Variants in RASGEF1B observed in about 807,000 individuals in gnomAD.
RASGEF1B encodes ras-GEF domain-containing family member 1B.
RASGEF1B carries 30 observed loss-of-function variants against 65.7 expected under a neutral mutation model. The observed-to-expected ratio is 0.46, with a 90% confidence interval of 0.34 to 0.62. RASGEF1B has a LOEUF of 0.62. Among genes scored for constraint, RASGEF1B ranks in the 20% least tolerant of loss-of-function variants. RASGEF1B has a pLI of 0.01. For missense variants in RASGEF1B, 495 were observed against 580.1 expected, an observed-to-expected ratio of 0.85 and a Z score of 1.51; for synonymous variants, 175 against 194.8, an observed-to-expected ratio of 0.90 and a Z score of 0.85.
At chr4:81,457,352 A>G in intron 3 of RASGEF1B, 147 bp downstream of exon 3, 1 of 705,338 alleles carries the variant, frequency 1.4e-6, no homozygotes, top group South Asian at 1.9e-5. Context: ...TATTCTTTAT[A>G]CCATTCACAA....
chr4:81,452,398 C>A (rs1316888831), intron 4 of RASGEF1B: 1 of 152,268 alleles, frequency 6.6e-6, no homozygotes, highest in Admixed American at 6.5e-5. Context: ...GCATGAGCCA[C>A]CGCACCCAGC....
chr4:81,450,727 G>A (rs957199723), intron 4 of RASGEF1B, among the ~76,000 whole-genome samples: 2 of 151,974 alleles, frequency 1.3e-5, no homozygotes, highest in African/African-American at 4.8e-5. Flanking sequence ...TTAAAAATTA[G>A]CCGGACACCT....
intron 13 of RASGEF1B, among the ~76,000 whole-genome samples, chr4:81,429,878 A>T (rs1306654824): frequency 2.0e-5 from 3 of 152,042 alleles, no homozygotes; most frequent in Non-Finnish European, 1.5e-5. Context: ...ACGCCAGCAC[A>T]CTGGCAGGCC....
intron 10 of RASGEF1B, among the ~76,000 whole-genome samples, chr4:81,435,435 A>G (rs1721585177): frequency 6.7e-6 from 1 of 149,208 alleles, no homozygotes; most frequent in Admixed American, 6.6e-5. Context: ...AAAAAAAAAA[A>G]AAAGAATACC....
chr4:81,433,792 A>T, intron 12 of RASGEF1B, 48 bp downstream of exon 12: 1 of 1,600,662 alleles, frequency 6.2e-7, no homozygotes, highest in Non-Finnish European at 8.5e-7. Context: ...AATTTCCTAA[A>T]TGAAGGATTT....
intron 6 of RASGEF1B, among the ~76,000 whole-genome samples, chr4:81,446,651 C>A (rs1722033143): frequency 6.6e-6 from 1 of 152,114 alleles, no homozygotes; most frequent in South Asian, 2.1e-4. Flanking sequence ...GAAGTCTACA[C>A]CATCATGGTC....
intron 6 of RASGEF1B, among the ~76,000 whole-genome samples, 179 bp from the exon 7 acceptor site, chr4:81,446,017 A>G (rs1722010761): frequency 1.3e-5 from 2 of 152,224 alleles, no homozygotes; most frequent in Non-Finnish European, 2.9e-5. Flanking sequence ...CAGAAATATC[A>G]AAGTCCTTTA....
intron 3 of RASGEF1B, 117 bp from the exon 4 acceptor site, chr4:81,456,905 A>G (rs974069212): frequency 2.2e-6 from 2 of 895,008 alleles, no homozygotes; most frequent in Admixed American, 5.3e-5. Flanking sequence ...AGGGATGAAG[A>G]AGAAGCTCCA....
intron 2 of RASGEF1B, among the ~76,000 whole-genome samples, chr4:81,458,274 TATA>T (rs1196394451): frequency 6.6e-6 from 1 of 152,224 alleles, no homozygotes; most frequent in African/African-American, 2.4e-5. Flanking sequence ...GCTTATTTGT[TATA>T]ATAATTTCAG....
chr4:81,446,235 G>T (rs916161850), intron 6 of RASGEF1B, among the ~76,000 whole-genome samples: 1 of 152,084 alleles, frequency 6.6e-6, no homozygotes, highest in African/African-American at 2.4e-5. Context: ...AATTAGCTGG[G>T]CATGGTGGCA....
At chr4:81,456,261 GAAT>G (rs1276205750) in intron 4 of RASGEF1B, 3 of 532,994 alleles carry the variant, frequency 5.6e-6, no homozygotes, top group African/African-American at 1.9e-5. Context: ...TCGGTTAATA[GAAT>G]AATGTTATTT....
chr4:81,431,385 A>G (rs1041689429), intron 13 of RASGEF1B, among the ~76,000 whole-genome samples: 1 of 152,026 alleles, frequency 6.6e-6, no homozygotes, highest in Non-Finnish European at 1.5e-5. Flanking sequence ...GTCTGGGCAT[A>G]CAAGGAACAT....
At chr4:81,438,601 C>T (rs894691473) in intron 10 of RASGEF1B, among the ~76,000 whole-genome samples, 2 of 152,168 alleles carry the variant, frequency 1.3e-5, no homozygotes, top group African/African-American at 4.8e-5. Context: ...GTGTGCACAA[C>T]GTGCAGGTTT....
intron 1 of RASGEF1B, among the ~76,000 whole-genome samples, chr4:81,465,650 T>G (rs1470050389): frequency 6.6e-6 from 1 of 152,256 alleles, no homozygotes; most frequent in Non-Finnish European, 1.5e-5. Flanking sequence ...AAGTGCCAGA[T>G]GAAAAGCTGC....
At position 81,430,750 on chromosome 4, in the gene RASGEF1B, T is replaced by C. The variant is rs780305676; in HGVS notation, c.1397+1549A>G. Among the ~76,000 whole-genome samples the C allele has an allele frequency of 7.9e-5, 12 of 152,368 alleles. No individual in the cohort carries two copies. In the South Asian group the frequency reaches 1.2e-3, roughly 16 times the overall value. On this transcript the variant is annotated intron_variant, in intron 13 of 13. Coordinates refer to ENST00000264400, the MANE Select transcript of RASGEF1B (RefSeq NM_152545.3). ...GGAAGACATTATACAGTTCAATCTT[T>C]AGCTTTTAAAGTCAAACCTTTGACT...
intron 1 of RASGEF1B, among the ~76,000 whole-genome samples, chr4:81,466,824 A>AAG (rs1389597961): frequency 5.3e-5 from 8 of 150,582 alleles, no homozygotes; most frequent in Non-Finnish European, 1.2e-4. Context: ...GAAAGAAAGA[A>AAG]AATTTCCAGA....
intron 10 of RASGEF1B, among the ~76,000 whole-genome samples, chr4:81,434,971 G>A (rs1016180573): frequency 6.6e-6 from 1 of 152,100 alleles, no homozygotes; most frequent in African/African-American, 2.4e-5. Context: ...AAGTGAATAG[G>A]TTAGTACTTT....
chr4:81,442,125 T>C (rs1721859460), intron 9 of RASGEF1B, among the ~76,000 whole-genome samples, 172 bp downstream of exon 9: 1 of 152,160 alleles, frequency 6.6e-6, no homozygotes, highest in Admixed American at 6.5e-5. Flanking sequence ...AACCAGTACA[T>C]AACCTGATTT....
chr4:81,447,944 CAG>C, intron 5 of RASGEF1B, 123 bp downstream of exon 5: 2 of 750,244 alleles, frequency 2.7e-6, no homozygotes, highest in South Asian at 3.4e-5. Context: ...TCAGCTATCT[CAG>C]ATGATTTCCC....
Sources: gnomAD v4.1 joint callset for allele counts (sites outside exome capture counted in the v4.1 genomes callset) on GRCh38, gnomAD v4.1.1 for gene constraint, MANE v1.5 for transcripts, NCBI Gene and HGNC (gene_info 2026-07-23, HGNC 2026-07-21) for gene names.